The following TUBD1 variants were observed in gnomAD, a reference collection of about 807,000 sequenced individuals.
TUBD1 encodes tubulin delta 1.
In TUBD1, 38 loss-of-function variants were observed where a neutral mutation model predicts 51.2. That is an observed-to-expected ratio of 0.74 (90% CI 0.57 to 0.97). The LOEUF is 0.97. Ranked by LOEUF, TUBD1 falls within the 50% of genes least tolerant of loss-of-function variation. The pLI is 0.00. For missense variants in TUBD1, 489 were observed against 538.4 expected (o/e 0.91, Z 0.91); for synonymous variants, 169 against 178.2 (o/e 0.95, Z 0.41).
chr17:59,869,339 G>C (rs2039874011), intron 6 of TUBD1, among the ~76,000 whole-genome samples: 2 of 151,774 alleles, frequency 1.3e-5, no homozygotes, highest in East Asian at 3.9e-4. Context: ...AGACGGGCAT[G>C]GTGGTGCGCA....
intron 8 of TUBD1, among the ~76,000 whole-genome samples, chr17:59,862,622 C>G (rs2039504616): frequency 6.6e-6 from 1 of 151,452 alleles, no homozygotes; most frequent in Non-Finnish European, 1.5e-5. Flanking sequence ...TCTCTGCAAC[C>G]TCCACCTCCT....
intron 3 of TUBD1, among the ~76,000 whole-genome samples, chr17:59,882,754 A>G (rs2040543649): frequency 6.6e-6 from 1 of 151,822 alleles, no homozygotes; most frequent in Non-Finnish European, 1.5e-5. Context: ...ATCTAGAACT[A>G]CAAGAGCATG....
chr17:59,887,107 T>A (rs1237270647), intron 2 of TUBD1, among the ~76,000 whole-genome samples: 2 of 151,574 alleles, frequency 1.3e-5, no homozygotes, highest in Non-Finnish European at 2.9e-5. Flanking sequence ...AATTGCTTGA[T>A]CCCGGGAGGT....
At chr17:59,889,668 C>CAAAAAAAAAAAAA (rs1195587619) in intron 2 of TUBD1, among the ~76,000 whole-genome samples, 5 of 54,148 alleles carry the variant, frequency 9.2e-5, no homozygotes, top group South Asian at 1.4e-3. Flanking sequence ...GACTCTGTCT[C>CAAAAAAAAAAAAA]AAAAAAAAAA....
chr17:59,889,537 C>T (rs1403912291), intron 2 of TUBD1, among the ~76,000 whole-genome samples: 12 of 150,580 alleles, frequency 8.0e-5, no homozygotes, highest in African/African-American at 2.4e-4. Flanking sequence ...GGCGTGGTGG[C>T]GCATGCCTGT....
At chr17:59,872,694 A>ATGTATGTGTGTGTG (rs770503667) in intron 6 of TUBD1, among the ~76,000 whole-genome samples, 1 of 142,640 alleles carries the variant, frequency 7.0e-6, no homozygotes, top group African/African-American at 2.6e-5. Context: ...GAAAATGGGA[A>ATGTATGTGTGTGTG]TGTGTGTGTG....
At chr17:59,866,506 C>T (rs2039705848) in intron 7 of TUBD1, 103 bp downstream of exon 7, 7 of 1,467,988 alleles carry the variant, frequency 4.8e-6, no homozygotes, top group Non-Finnish European at 6.4e-6. Flanking sequence ...ACAGTTATTA[C>T]TTTCCTTTCT....
intron 2 of TUBD1, among the ~76,000 whole-genome samples, chr17:59,888,180 C>T (rs1393925755): frequency 3.9e-5 from 6 of 152,064 alleles, no homozygotes; most frequent in Non-Finnish European, 7.4e-5. Context: ...CATGATTCGC[C>T]CGCCTCGACC....
At chr17:59,886,413 T>C (rs891029272) in intron 2 of TUBD1, 183 bp from the exon 3 acceptor site, 9 of 597,760 alleles carry the variant, frequency 1.5e-5, no homozygotes, top group Non-Finnish European at 2.5e-5. Flanking sequence ...CATATGCAGA[T>C]GTTCACCAAG....
intron 5 of TUBD1, among the ~76,000 whole-genome samples, chr17:59,875,759 A>G (rs2040197857): frequency 6.6e-6 from 1 of 151,848 alleles, no homozygotes; most frequent in African/African-American, 2.4e-5. Flanking sequence ...AAAAAAAAAA[A>G]GTTAACATGA....
rs1296942931 is a variant in TUBD1, at chr17:59,890,933, G to C, written c.70C>G (p.Leu24Val). The C allele has an allele frequency of 1.2e-6, 2 of 1,613,782 alleles. No homozygotes were observed. The highest frequency in any genetic ancestry group is 2.7e-5 in the African/African-American group (2 of 74,900). ...CCCTGGGAACTGTGTGAGTCACTAAGCAAAGCATCAAAAACTTCAAAACCA... is the reference window on the plus strand; with the variant it reads ...CCCTGGGAACTGTGTGAGTCACTAACCAAAGCATCAAAAACTTCAAAACCA... ...QIGFEVFDAL[L>V]SDSHSSQGLC... Residue 24 changes from leucine (L) to valine (V), a missense_variant, in exon 2 of 9, where the codon CTT becomes GTT. By Grantham distance (32) the Leu-to-Val change is conservative. Coordinates refer to ENST00000325752, the MANE Select transcript of TUBD1 (RefSeq NM_016261.4).
intron 5 of TUBD1, among the ~76,000 whole-genome samples, chr17:59,876,359 GT>G (rs886233329): frequency 3.4e-4 from 45 of 133,888 alleles, no homozygotes; most frequent in Admixed American, 5.3e-4. Context: ...TTTTTTTTTT[GT>G]TTTTTTTTTT....
rs1215418156 is a variant in TUBD1, at chr17:59,892,703, ACGC to A, written c.-49_-47del. On this transcript the variant is annotated 5_prime_UTR_variant, in exon 1 of 9. Coordinates refer to ENST00000325752, the MANE Select transcript of TUBD1 (RefSeq NM_016261.4). ...CACACGTAACCCGACTCACCGCCAG[ACGC>A]CGACCAGCGCTTCTGTCCGGTTCAA... The A allele has an allele frequency of 6.4e-6, 1 of 156,764 alleles. No individual in the cohort carries two copies. Among genetic ancestry groups the A allele is most frequent in the Non-Finnish European group, 1.4e-5 (1 of 70,282 alleles). The allele number at this position is 156,764 out of a possible 1,614,324, so 9.7% of individuals were successfully genotyped here.
chr17:59,873,463 C>G (rs2040089497), intron 6 of TUBD1, among the ~76,000 whole-genome samples: 1 of 152,132 alleles, frequency 6.6e-6, no homozygotes, highest in South Asian at 2.1e-4. Context: ...GTTGCCCAGA[C>G]TGGTCTCGAA....
chr17:59,885,034 G>C (rs926731449), intron 3 of TUBD1: 9 of 317,776 alleles, frequency 2.8e-5, no homozygotes, highest in Non-Finnish European at 4.8e-5. Context: ...GCCAGGGCCA[G>C]GGTCCTGGGA....
chr17:59,860,656 G>A (rs893441691), intron 8 of TUBD1, among the ~76,000 whole-genome samples: 6 of 150,998 alleles, frequency 4.0e-5, no homozygotes, highest in Admixed American at 1.3e-4. Flanking sequence ...GCATGATCTC[G>A]GCTCACTGCA....
intron 2 of TUBD1, among the ~76,000 whole-genome samples, chr17:59,888,182 G>A (rs920279620): frequency 3.3e-5 from 5 of 152,040 alleles, no homozygotes; most frequent in South Asian, 2.1e-4. Flanking sequence ...TGATTCGCCC[G>A]CCTCGACCTC....
Position 59,874,791 on chromosome 17 carries a change from TG to T in TUBD1, c.770-89del. ...ATATAACCATGATTTGAAGGTTTTC[TG>T]GGCCAAATGTTTTTTCTCTTCTCAG... On this transcript the variant is annotated intron_variant, in intron 5 of 8. Coordinates refer to ENST00000325752, the MANE Select transcript of TUBD1 (RefSeq NM_016261.4). 4 of 1,083,304 alleles carry T rather than the reference TG, an allele frequency of 3.7e-6. No homozygotes were observed. In the South Asian group the frequency reaches 5.7e-5, roughly 15 times the overall value. The allele number at this position is 1,083,304 out of a possible 1,614,324, so 67.1% of individuals were successfully genotyped here.
chr17:59,862,793 C>T (rs567695907), intron 8 of TUBD1, among the ~76,000 whole-genome samples: 233 of 138,338 alleles, frequency 1.7e-3, no homozygotes, highest in Non-Finnish European at 2.9e-3. Context: ...GGCGCGATCT[C>T]GGCTCACTGC....
Sources: allele counts gnomAD v4.1 joint callset (sites outside exome capture counted in the v4.1 genomes callset), GRCh38; gene constraint gnomAD v4.1.1; transcripts MANE v1.5; gene names NCBI Gene and HGNC (gene_info 2026-07-23, HGNC 2026-07-21).